Variants in EYA3 observed in about 807,000 individuals in gnomAD.
EYA3 encodes the protein EYA transcriptional coactivator and phosphatase 3, also known as protein phosphatase EYA3.
In EYA3, 39 loss-of-function variants were observed where a neutral mutation model predicts 80.0. That is an observed-to-expected ratio of 0.49 (90% CI 0.38 to 0.64). The LOEUF is 0.64. Ranked by LOEUF, EYA3 falls within the 30% of genes least tolerant of loss-of-function variation. EYA3 has a pLI of 0.00. For synonymous variants in EYA3, 206 were observed against 232.8 expected (o/e 0.88, Z 1.05); for missense variants, 523 against 676.1 (o/e 0.77, Z 2.51).
chr1:28,046,993 G>T (rs1451975003), intron 3 of EYA3, among the ~76,000 whole-genome samples: 2 of 151,412 alleles, frequency 1.3e-5, no homozygotes, highest in Non-Finnish European at 2.9e-5. Flanking sequence ...CTAAAGGTGT[G>T]CACCACCATT....
At chr1:28,081,645 T>A (rs939740135) in intron 1 of EYA3, among the ~76,000 whole-genome samples, 2 of 152,158 alleles carry the variant, frequency 1.3e-5, no homozygotes, top group African/African-American at 4.8e-5. Context: ...AAAATTAACA[T>A]CATTGTGCTA....
At chr1:27,980,394 T>C (rs1415444421) in intron 16 of EYA3, among the ~76,000 whole-genome samples, 1 of 152,220 alleles carries the variant, frequency 6.6e-6, no homozygotes, top group Non-Finnish European at 1.5e-5. Flanking sequence ...TTTGACTTTC[T>C]TGTAAGACTC....
intron 8 of EYA3, among the ~76,000 whole-genome samples, chr1:28,015,341 T>G (rs1373567077): frequency 6.6e-6 from 1 of 152,168 alleles, no homozygotes; most frequent in African/African-American, 2.4e-5. Context: ...GCAATAAGAC[T>G]TGGATTCTTT....
intron 16 of EYA3, among the ~76,000 whole-genome samples, chr1:27,987,593 G>A (rs1173104822): frequency 1.1e-4 from 17 of 152,134 alleles, no homozygotes; most frequent in Admixed American, 1.1e-3. Flanking sequence ...TGGGACTACA[G>A]GTATGCACCA....
intron 11 of EYA3, among the ~76,000 whole-genome samples, chr1:28,002,264 G>C (rs1640916050): frequency 6.6e-6 from 1 of 151,948 alleles, no homozygotes; most frequent in African/African-American, 2.4e-5. Context: ...GGCCAGGCTG[G>C]TCTCGAATTC....
At chr1:28,042,753 G>A (rs1571877645) in intron 3 of EYA3, 103 bp from the exon 4 acceptor site, 2 of 886,250 alleles carry the variant, frequency 2.3e-6, no homozygotes, top group South Asian at 1.4e-5. Context: ...TAAGTAAGAG[G>A]CAAAGTAAAT....
chr1:28,025,682 A>G (rs1338726277), intron 7 of EYA3, among the ~76,000 whole-genome samples: 1 of 152,218 alleles, frequency 6.6e-6, no homozygotes, highest in Admixed American at 6.5e-5. Flanking sequence ...AAAGGAAAAA[A>G]TGTTCTAACA....
At chr1:28,017,061 G>A (rs757792511) in intron 8 of EYA3, 93 bp downstream of exon 8, 23 of 1,093,782 alleles carry the variant, frequency 2.1e-5, no homozygotes, top group Admixed American at 3.8e-5. Flanking sequence ...ACTATTCCTG[G>A]TTGTTTCTTA....
At chr1:28,073,103 T>TTCTCTCTCTCTATATATATATATATATA (rs1447435853) in intron 1 of EYA3, among the ~76,000 whole-genome samples, 3 of 37,760 alleles carry the variant, frequency 7.9e-5, no homozygotes, top group Non-Finnish European at 1.3e-4. Flanking sequence ...GATGAAACTA[T>TTCTCTCTCTCTATATATATATATATATA]TATATATATA....
intron 9 of EYA3, among the ~76,000 whole-genome samples, chr1:28,012,141 T>C (rs1160855457): frequency 6.6e-6 from 1 of 152,184 alleles, no homozygotes; most frequent in Non-Finnish European, 1.5e-5. Context: ...GGGAGCTAGA[T>C]GATGTATAGC....
chr1:28,025,168 C>A (rs547931703), intron 7 of EYA3, among the ~76,000 whole-genome samples: 10 of 152,114 alleles, frequency 6.6e-5, no homozygotes, highest in Admixed American at 6.6e-4. Flanking sequence ...ACCAATAATA[C>A]CCACGTTTCA....
chr1:28,047,659 G>T (rs1644068813), intron 3 of EYA3, among the ~76,000 whole-genome samples: 1 of 124,818 alleles, frequency 8.0e-6, no homozygotes, highest in Non-Finnish European at 1.7e-5. Context: ...TTTTTTTTGA[G>T]ACAGAGTCTC....
intron 1 of EYA3, among the ~76,000 whole-genome samples, chr1:28,066,890 C>G (rs571973983): frequency 4.0e-4 from 61 of 151,986 alleles, no homozygotes; most frequent in Non-Finnish European, 7.9e-4. Flanking sequence ...TAAAAACAGG[C>G]AGTTTAAACC....
intron 10 of EYA3, among the ~76,000 whole-genome samples, chr1:28,006,892 G>C (rs757012324): frequency 2.9e-4 from 43 of 150,036 alleles, no homozygotes; most frequent in Non-Finnish European, 5.3e-4. Flanking sequence ...CATCCAATTT[G>C]GAAAGGAAGA....
Position 28,048,373 on chromosome 1 carries a change from C to T in EYA3, c.77+10G>A. The T allele has an allele frequency of 1.3e-6, 2 of 1,586,780 alleles. No individual in the cohort carries two copies. The highest frequency in any genetic ancestry group is 1.8e-5 in the Admixed American group (1 of 54,524). On this transcript the variant is annotated intron_variant, in intron 3 of 17. Coordinates refer to ENST00000373871, the MANE Select transcript of EYA3 (RefSeq NM_001990.4). ...AGTAGTTCATTAAAAAGAAAGCAAA[C>T]TTTACATACCTTATAGTTTGCTCTC...
At chr1:27,989,951 T>C (rs1639931605) in intron 14 of EYA3, 140 bp from the exon 15 acceptor site, 3 of 398,710 alleles carry the variant, frequency 7.5e-6, no homozygotes, top group African/African-American at 2.1e-5. Context: ...TATATATACA[T>C]ATACGTATTT....
At chr1:28,081,524 T>C (rs568301341) in intron 1 of EYA3, among the ~76,000 whole-genome samples, 73 of 152,326 alleles carry the variant, frequency 4.8e-4, no homozygotes, top group Non-Finnish European at 7.8e-4. Flanking sequence ...TATCCTATAA[T>C]GTTCTCTAAA....
chr1:27,974,400 G>A lies in EYA3; in HGVS notation c.*66C>T. 8.1e-7 allele frequency: 1 copy of A among 1,230,362 alleles called. No individual in the cohort carries two copies. The highest frequency in any genetic ancestry group is 1.2e-6 in the Non-Finnish European group (1 of 852,130). 76.2% of individuals were successfully genotyped at this position (1,230,362 alleles called of 1,614,324 possible). On this transcript the variant is annotated 3_prime_UTR_variant, in exon 18 of 18. Coordinates refer to ENST00000373871, the MANE Select transcript of EYA3 (RefSeq NM_001990.4). ...GACAGACAGAGAAAGTTCTCAGTTG[G>A]TTCCAGTCTCCAGCTCCCTTCAGGA... is the stretch of plus-strand genomic sequence containing the variant.
Position 27,993,382 on chromosome 1 carries a change from G to C in EYA3, c.1303+18C>G, listed in dbSNP as rs747953437. ...CAGGAAGAAACAGAGAATCAGACTGGTTATATGCCACACTTACCACCCACG... is the reference window on the plus strand; with the variant it reads ...CAGGAAGAAACAGAGAATCAGACTGCTTATATGCCACACTTACCACCCACG... On this transcript the variant is annotated intron_variant, in intron 14 of 17. Transcript: ENST00000373871. 2 of 1,611,014 alleles carry C rather than the reference G, an allele frequency of 1.2e-6. No homozygotes were observed. Among genetic ancestry groups the C allele is most frequent in the Admixed American group, 3.4e-5 (2 of 59,138 alleles).
Sources: gnomAD v4.1 joint callset for allele counts (sites outside exome capture counted in the v4.1 genomes callset) on GRCh38, gnomAD v4.1.1 for gene constraint, MANE v1.5 for transcripts, NCBI Gene and HGNC (gene_info 2026-07-23, HGNC 2026-07-21) for gene names.